FBXO31: variants seen among roughly 807,000 people sequenced by gnomAD.
FBXO31 encodes the protein F-box protein 31.
A neutral mutation model predicts 54.4 loss-of-function variants in FBXO31; 24 were observed. The observed-to-expected ratio is 0.44, with a 90% confidence interval of 0.32 to 0.62. The LOEUF is 0.62. FBXO31 is among the 20% of genes least tolerant of loss of function. FBXO31 has a pLI of 0.05. For synonymous variants in FBXO31, 388 were observed against 335.6 expected, an observed-to-expected ratio of 1.16 and a Z score of -1.71; for missense variants, 665 against 787.1, an observed-to-expected ratio of 0.84 and a Z score of 1.86.
At chr16:87,353,052 G>C (rs1452492132) in intron 2 of FBXO31, among the ~76,000 whole-genome samples, 1 of 152,202 alleles carries the variant, frequency 6.6e-6, no homozygotes, top group Non-Finnish European at 1.5e-5. Flanking sequence ...CTCTACGGAA[G>C]AAATTGGATT....
At chr16:87,349,087 C>G (rs535824280) in intron 2 of FBXO31, among the ~76,000 whole-genome samples, 3 of 152,300 alleles carry the variant, frequency 2.0e-5, no homozygotes, top group Admixed American at 6.5e-5. Flanking sequence ...AGCTAATCAT[C>G]AATAATGTCA....
intron 7 of FBXO31, 122 bp from the exon 8 acceptor site, chr16:87,334,408 G>T: frequency 1.2e-6 from 1 of 853,902 alleles, no homozygotes. Context: ...TACTGACTTA[G>T]CAACGTCCCT....
chr16:87,342,958 T>C lies in FBXO31; in HGVS notation c.658-7A>G. The C allele has an allele frequency of 1.2e-6, 2 of 1,603,330 alleles. No individual in the cohort carries two copies. Among genetic ancestry groups the C allele is most frequent in the Non-Finnish European group, 1.7e-6 (2 of 1,174,734 alleles). Reference sequence around the variant, plus strand: ...ACTCATCCTTCTTCACAATCTTCAGTGTTTGCAACACAAGGAAAGAGAAGA... The same window carrying C: ...ACTCATCCTTCTTCACAATCTTCAGCGTTTGCAACACAAGGAAAGAGAAGA... On this transcript the variant is annotated splice_polypyrimidine_tract_variant and splice_region_variant and intron_variant, in intron 4 of 8. Coordinates refer to ENST00000311635, the MANE Select transcript of FBXO31 (RefSeq NM_024735.5).
Position 87,347,074 on chromosome 16 carries a change from G to A in FBXO31, c.489+100C>T. 5.6e-6 allele frequency: 6 copies of A among 1,073,418 alleles called. No homozygotes were observed. In the South Asian group the frequency reaches 7.5e-5, roughly 13 times the overall value. 66.5% of individuals were successfully genotyped at this position (1,073,418 alleles called of 1,614,324 possible). A position where few individuals can be genotyped will look rare whatever the true frequency, so the allele number is the denominator to read the frequency against. On this transcript the variant is annotated intron_variant, in intron 3 of 8. Coordinates refer to ENST00000311635, the MANE Select transcript of FBXO31 (RefSeq NM_024735.5). ...TGGTAATTACCTCAAACGCACATCT[G>A]GGCCAGCTTGTACCCAGGTAGAAGA... is the stretch of plus-strand genomic sequence containing the variant.
At chr16:87,343,512 A>G in intron 4 of FBXO31, 86 bp downstream of exon 4, 2 of 1,474,772 alleles carry the variant, frequency 1.4e-6, no homozygotes, top group Non-Finnish European at 1.8e-6. Context: ...CCAGGTCTGC[A>G]GCTGAGAATA....
intron 1 of FBXO31, among the ~76,000 whole-genome samples, chr16:87,374,482 G>A (rs891469774): frequency 5.3e-5 from 8 of 152,188 alleles, no homozygotes; most frequent in South Asian, 2.1e-4. Context: ...GCATGGGCAC[G>A]CGCAGCAGTT....
chr16:87,349,576 T>G (rs1905548764), intron 2 of FBXO31, among the ~76,000 whole-genome samples: 1 of 152,062 alleles, frequency 6.6e-6, no homozygotes, highest in Admixed American at 6.5e-5. Context: ...CCAGGCATAG[T>G]GGCAAGTGCC....
Position 87,347,756 on chromosome 16 carries a change from G to C in FBXO31, c.413-506C>G, listed in dbSNP as rs189095910. On this transcript the variant is annotated intron_variant, in intron 2 of 8. Coordinates refer to ENST00000311635, the MANE Select transcript of FBXO31 (RefSeq NM_024735.5). ...CTAAGTAAAATGAGTCTCCCATGAA[G>C]TGATGAGCCTCCCATCAATGGGGGG... is the stretch of plus-strand genomic sequence containing the variant. Among the ~76,000 whole-genome samples, 649 of 150,270 alleles carry C rather than the reference G, an allele frequency of 4.3e-3. 2 individuals are homozygous for C. The highest frequency in any genetic ancestry group is 0.015 in the African/African-American group (624 of 40,700).
chr16:87,361,337 G>C (rs1304918403), intron 1 of FBXO31, among the ~76,000 whole-genome samples: 2 of 152,270 alleles, frequency 1.3e-5, no homozygotes, highest in African/African-American at 4.8e-5. Context: ...CTGGGACCAA[G>C]AATTGAAGCC....
rs1016752371 is a variant in FBXO31, at chr16:87,343,757, G to A, written c.498C>T (p.Gly166=). 6.2e-7 allele frequency: 1 copy of A among 1,614,214 alleles called. No homozygotes were observed. Among genetic ancestry groups the A allele is most frequent in the Non-Finnish European group, 8.5e-7 (1 of 1,180,038 alleles). ...GGTACATCCACCCGATGATGAACAGGCCGTCCACCTACAGGAGGAGATGGG... is the reference window on the plus strand; with the variant it reads ...GGTACATCCACCCGATGATGAACAGACCGTCCACCTACAGGAGGAGATGGG... ...YGGLLNVVVD[G]LFIIGWMYLP... The change falls in exon 4 of 9, where the codon GGC becomes GGT. Residue 166 remains glycine, a synonymous_variant. Transcript: ENST00000311635.
chr16:87,364,529 T>A (rs1906272066), intron 1 of FBXO31, among the ~76,000 whole-genome samples: 2 of 151,980 alleles, frequency 1.3e-5, no homozygotes, highest in Admixed American at 1.3e-4. Flanking sequence ...TCAGGCCAAA[T>A]ACCGAGATCA....
At chr16:87,348,205 A>T (rs972580244) in intron 2 of FBXO31, among the ~76,000 whole-genome samples, 3 of 151,892 alleles carry the variant, frequency 2.0e-5, no homozygotes, top group Non-Finnish European at 4.4e-5. Context: ...TGTGGCTGCC[A>T]CCAACCTTCC....
chr16:87,347,137 C>T (rs758677051), intron 3 of FBXO31, 37 bp downstream of exon 3: 9 of 1,585,562 alleles, frequency 5.7e-6, no homozygotes, highest in Admixed American at 1.7e-5. Flanking sequence ...CCACTCCTGC[C>T]CGTGCACAGA....
chr16:87,376,317 A>T (rs1397938184), intron 1 of FBXO31, among the ~76,000 whole-genome samples: 8 of 149,352 alleles, frequency 5.4e-5, no homozygotes, highest in African/African-American at 2.0e-4. Flanking sequence ...TCTGTCGCCC[A>T]GGCTGGAGTG....
chr16:87,331,745 AG>A (rs1434736342), intron 8 of FBXO31, among the ~76,000 whole-genome samples: 5 of 152,254 alleles, frequency 3.3e-5, no homozygotes, highest in Non-Finnish European at 5.9e-5. Flanking sequence ...TGATGGACGC[AG>A]AGGCCAGAGC....
rs1379043192 is a variant in FBXO31 at position 87,335,355 on chromosome 16, C to G, written c.945G>C (p.Glu315Asp). 1 of 1,614,040 alleles carries G rather than the reference C, an allele frequency of 6.2e-7. No individual in the cohort carries two copies. The highest frequency in any genetic ancestry group is 8.5e-7 in the Non-Finnish European group (1 of 1,180,004). Reference sequence around the variant, plus strand: ...GGCCGTGGAAGCTGAGCATCACAATCTCCAGGCCGTGGCTGCCATAGGTAC... The same window carrying G: ...GGCCGTGGAAGCTGAGCATCACAATGTCCAGGCCGTGGCTGCCATAGGTAC... ...FKGTYGSHGL[E>D]IVMLSFHGRR... is the part of the protein sequence containing the mutation. The change falls in exon 7 of 9, where the codon GAG becomes GAC. Residue 315 changes from glutamate (E) to aspartate (D), a missense_variant. This residue lies in a region of FBXO31 where 234 missense variants were observed against 346.8 expected (regional missense o/e 0.67). Coordinates refer to ENST00000311635, the MANE Select transcript of FBXO31 (RefSeq NM_024735.5). This position sits in a 1 kb window ranked among gnomAD's most constrained non-coding sequence, Gnocchi z 5.7.
intron 2 of FBXO31, among the ~76,000 whole-genome samples, chr16:87,352,606 G>A (rs1905712507): frequency 6.6e-6 from 1 of 152,178 alleles, no homozygotes; most frequent in Non-Finnish European, 1.5e-5. Context: ...AGAGGCCAGG[G>A]AAGCCGTGTC....
At chr16:87,365,010 A>AAT (rs55746745) in intron 1 of FBXO31, among the ~76,000 whole-genome samples, 577 of 47,654 alleles carry the variant, frequency 0.012, 140 homozygotes, top group East Asian at 0.028. Flanking sequence ...CCGTCTCTTA[A>AAT]ATATATATAT....
chr16:87,367,974 A>G (rs1597375130), intron 1 of FBXO31: 2 of 152,326 alleles, frequency 1.3e-5, no homozygotes, highest in Middle Eastern at 3.4e-3. Flanking sequence ...GTAGCCTTTT[A>G]TTAACTGCTT....
Sources: allele counts gnomAD v4.1 joint callset (sites outside exome capture counted in the v4.1 genomes callset), GRCh38; gene constraint gnomAD v4.1.1; regional missense constraint gnomAD v4.1.1; non-coding constraint Gnocchi (gnomAD v3.1); transcripts MANE v1.5; gene names NCBI Gene and HGNC (gene_info 2026-07-23, HGNC 2026-07-21).